WDR49: variants seen among roughly 807,000 people sequenced by gnomAD.
The protein encoded by WDR49 is WD repeat domain 49.
In WDR49, 107 loss-of-function variants were observed where a neutral mutation model predicts 119.5. That is an observed-to-expected ratio of 0.90 (90% confidence interval 0.77 to 1.05). WDR49 has a LOEUF of 1.05. Among genes scored for constraint, WDR49 ranks in the 50% least tolerant of loss-of-function variants. The probability of loss-of-function intolerance (pLI) is 0.00; values close to 1 mark genes in which losing one functional copy is unlikely to be tolerated. For synonymous variants in WDR49, 425 were observed against 418.8 expected (o/e 1.01, Z -0.18); for missense variants, 1,240 against 1,220.5 (o/e 1.02, Z -0.24).
At chr3:167,560,956 A>G (rs1376724106) in intron 8 of WDR49, among the ~76,000 whole-genome samples, 1 of 152,156 alleles carries the variant, frequency 6.6e-6, no homozygotes, top group South Asian at 2.1e-4. Flanking sequence ...TAAGAGATTC[A>G]TAGGTTAAAA....
intron 7 of WDR49, among the ~76,000 whole-genome samples, chr3:167,599,665 A>G (rs1210879690): frequency 1.3e-5 from 2 of 152,206 alleles, no homozygotes; most frequent in African/African-American, 4.8e-5. Context: ...TAGCCACCAG[A>G]GATAGTAATA....
chr3:167,653,978 T>C (rs1718505275), upstream of WDR49: 1 of 152,424 alleles, frequency 6.6e-6, no homozygotes, highest in Non-Finnish European at 1.5e-5. Flanking sequence ...TTGTTTCATC[T>C]GTTCTGATCC....
chr3:167,578,751 T>C (rs1714379211), intron 7 of WDR49, among the ~76,000 whole-genome samples: 1 of 152,160 alleles, frequency 6.6e-6, no homozygotes, highest in African/African-American at 2.4e-5. Context: ...ATGATTTCTT[T>C]AAAGCAGCCT....
upstream of WDR49, among the ~76,000 whole-genome samples, chr3:167,655,909 C>A (rs556192492): frequency 1.1e-3 from 165 of 151,030 alleles, no homozygotes; most frequent in African/African-American, 3.8e-3. Flanking sequence ...CTCTCTCTCT[C>A]TATCTCTCTC....
chr3:167,587,402 A>G (rs1446960784), intron 7 of WDR49, among the ~76,000 whole-genome samples: 1 of 152,226 alleles, frequency 6.6e-6, no homozygotes, highest in African/African-American at 2.4e-5. Context: ...AGCTGTCAAC[A>G]TATAACTATT....
chr3:167,582,644 A>G (rs1714597145), intron 7 of WDR49, among the ~76,000 whole-genome samples: 1 of 152,064 alleles, frequency 6.6e-6, no homozygotes, highest in South Asian at 2.1e-4. Context: ...TTGGGCAGAA[A>G]TCTCATTGAT....
At chr3:167,622,010 G>T (rs1464228683) in intron 3 of WDR49, among the ~76,000 whole-genome samples, 1 of 152,108 alleles carries the variant, frequency 6.6e-6, no homozygotes, top group Admixed American at 6.5e-5. Context: ...TATGATGCAA[G>T]TAGAGACTTT....
chr3:167,600,969 T>C lies in WDR49; in HGVS notation c.1275+1158A>G, dbSNP rs539905050. On this transcript the variant is annotated intron_variant, in intron 7 of 18. Transcript: ENST00000682715. Reference sequence around the variant, plus strand: ...AAGAATTTGAGAGTTCATATTTAAATAGAGGGCAGAGATGAAAGACTGAAG... The same window carrying C: ...AAGAATTTGAGAGTTCATATTTAAACAGAGGGCAGAGATGAAAGACTGAAG... Among the ~76,000 whole-genome samples, 3 of 152,226 alleles carry C rather than the reference T, an allele frequency of 2.0e-5. No individual in the cohort carries two copies. The South Asian group carries it at 6.2e-4, about 32-fold the overall frequency.
intron 8 of WDR49, among the ~76,000 whole-genome samples, chr3:167,562,782 C>T (rs369642211): frequency 2.6e-4 from 39 of 152,218 alleles, no homozygotes; most frequent in African/African-American, 9.2e-4. Flanking sequence ...AAGCACATTA[C>T]TTACTTTTAT....
chr3:167,599,253 C>A (rs1183292723), intron 7 of WDR49, among the ~76,000 whole-genome samples: 5 of 152,164 alleles, frequency 3.3e-5, no homozygotes, highest in Non-Finnish European at 7.3e-5. Context: ...TAGAAATCTA[C>A]TCGGTGTTCT....
intron 15 of WDR49, among the ~76,000 whole-genome samples, chr3:167,526,301 G>C (rs1752625770): frequency 6.6e-6 from 1 of 152,100 alleles, no homozygotes; most frequent in Admixed American, 6.6e-5. Context: ...GATTATGTTT[G>C]GTGGGTGAAC....
At chr3:167,611,792 A>T (rs1716351472) in intron 5 of WDR49, among the ~76,000 whole-genome samples, 1 of 152,286 alleles carries the variant, frequency 6.6e-6, no homozygotes, top group Admixed American at 6.5e-5. Flanking sequence ...GATATAAAAA[A>T]CTTTAAATAA....
In WDR49 at chr3:167,518,183, G is replaced by A. The variant is rs527771904; in HGVS notation, c.2774+4132C>T. On this transcript the variant is annotated intron_variant, in intron 16 of 18. Transcript: ENST00000682715. ...AGTCTTTGCTATTGTGAATAATGCC[G>A]CAATAAACATACGTGTGCATGTGTC... is the stretch of plus-strand genomic sequence containing the variant. Among the ~76,000 whole-genome samples, 53 of 151,752 alleles carry A rather than the reference G, an allele frequency of 3.5e-4. 1 individual carries two copies. Among genetic ancestry groups the A allele is most frequent in the South Asian group, 3.1e-3 (15 of 4,778 alleles).
chr3:167,540,873 G>A (rs2108252572), intron 10 of WDR49, among the ~76,000 whole-genome samples: 1 of 152,038 alleles, frequency 6.6e-6, no homozygotes, highest in Non-Finnish European at 1.5e-5. Context: ...CACAACTTCT[G>A]AAAATGAAAG....
At chr3:167,638,213 T>C (rs1308480855) in intron 2 of WDR49, among the ~76,000 whole-genome samples, 1 of 151,634 alleles carries the variant, frequency 6.6e-6, no homozygotes, top group Non-Finnish European at 1.5e-5. Flanking sequence ...GTTGTCTGAT[T>C]TTATTTCAGA....
intron 7 of WDR49, among the ~76,000 whole-genome samples, chr3:167,593,232 C>G (rs1219186835): frequency 6.6e-6 from 1 of 152,042 alleles, no homozygotes; most frequent in Non-Finnish European, 1.5e-5. Context: ...AGTCCAATAA[C>G]TCTTAGATTT....
chr3:167,596,140 C>G (rs1200226613), intron 7 of WDR49, among the ~76,000 whole-genome samples: 1 of 151,258 alleles, frequency 6.6e-6, no homozygotes, highest in Non-Finnish European at 1.5e-5. Flanking sequence ...CACTGGCCAT[C>G]AGAGAAATGC....
chr3:167,537,798 C>T (rs2108249547), intron 10 of WDR49, among the ~76,000 whole-genome samples: 1 of 152,194 alleles, frequency 6.6e-6, no homozygotes, highest in African/African-American at 2.4e-5. Context: ...CCTCTTGTTC[C>T]TTCTAGAGCC....
chr3:167,497,133 G>A (rs1404827310), intron 18 of WDR49, among the ~76,000 whole-genome samples: 1 of 152,006 alleles, frequency 6.6e-6, no homozygotes, highest in East Asian at 1.9e-4. Context: ...AGAATGAATC[G>A]AACTTTTTTC....
Sources: allele counts gnomAD v4.1 joint callset (sites outside exome capture counted in the v4.1 genomes callset), GRCh38; gene constraint gnomAD v4.1.1; transcripts MANE v1.5; gene names NCBI Gene and HGNC (gene_info 2026-07-23, HGNC 2026-07-21).